IRAG1: variants seen among roughly 807,000 people sequenced by gnomAD.
IRAG1 encodes the protein IP3R-associated cGMP kinase substrate.
IRAG1 carries 62 observed loss-of-function variants against 106.2 expected under a neutral mutation model. That is an observed-to-expected ratio of 0.58 (90% CI 0.48 to 0.72). IRAG1 has a LOEUF of 0.72. Among genes scored for constraint, IRAG1 ranks in the 30% least tolerant of loss-of-function variants. IRAG1 has a pLI of 0.00. For synonymous variants in IRAG1, 462 were observed against 443.9 expected (o/e 1.04, Z -0.51); for missense variants, 1,064 against 1,140.7 (o/e 0.93, Z 0.97).
At chr11:10,623,593 C>T (rs1856000577) in intron 10 of IRAG1, among the ~76,000 whole-genome samples, 185 bp downstream of exon 10, 1 of 152,114 alleles carries the variant, frequency 6.6e-6, no homozygotes, top group South Asian at 2.1e-4. Flanking sequence ...GGCCTGGGGG[C>T]TGGTTGGAAG....
rs375895538 is a variant in IRAG1 at position 10,666,697 on chromosome 11, A to G, written c.68-14515T>C. ...GGGTTAAGCTGAGTCATTCTCGTGA[A>G]GTATTTTCTTGTTTTTAGAAAAGAC... is the stretch of plus-strand genomic sequence containing the variant. On this transcript the variant is annotated intron_variant, in intron 1 of 20. Coordinates refer to ENST00000423302, the MANE Select transcript of IRAG1 (RefSeq NM_130385.4). Among the ~76,000 whole-genome samples the G allele has an allele frequency of 9.8e-5, 15 of 152,378 alleles. No individual in the cohort carries two copies. In the South Asian group the frequency reaches 2.5e-3, roughly 25 times the overall value.
In IRAG1 at chr11:10,600,902, G is replaced by A. The variant is rs745612691; in HGVS notation, c.2017+16C>T. ...ACCTTGTAGGGCCAAGATGGGGCAG[G>A]AGCCTAGGTCCTTACCAGAGGGGCC... On this transcript the variant is annotated intron_variant, in intron 15 of 20. Transcript: ENST00000423302. 6 of 1,613,798 alleles carry A rather than the reference G, an allele frequency of 3.7e-6. No individual in the cohort carries two copies. Among genetic ancestry groups the A allele is most frequent in the South Asian group, 1.1e-5 (1 of 91,070 alleles).
chr11:10,669,734 C>T lies in IRAG1; in HGVS notation c.68-17552G>A, dbSNP rs1387683654. On this transcript the variant is annotated intron_variant, in intron 1 of 20. Coordinates refer to ENST00000423302, the MANE Select transcript of IRAG1 (RefSeq NM_130385.4). The stretch of plus-strand genomic sequence containing the variant: ...CTCTCTTTCAGAAAGTAGTTCCCCC[C>T]CTTACCCTTCACCCTCCTTGCAGAC... Among the ~76,000 whole-genome samples, 4 of 152,154 alleles carry T rather than the reference C, an allele frequency of 2.6e-5. No individual in the cohort carries two copies. In the East Asian group the frequency reaches 7.7e-4, roughly 29 times the overall value.
rs767096038 is a variant in IRAG1 at position 10,625,957 on chromosome 11, G to A, written c.1368+9C>T. ...ACACACTCTGCCCAACTGGCCCCCA[G>A]GAACCCACCTCTCGGAGCTTGGTCA... On this transcript the variant is annotated intron_variant, in intron 9 of 20. Coordinates refer to ENST00000423302, the MANE Select transcript of IRAG1 (RefSeq NM_130385.4). 7.5e-6 allele frequency: 11 copies of A among 1,465,434 alleles called. No individual in the cohort carries two copies. Among genetic ancestry groups the A allele is most frequent in the Middle Eastern group, 1.8e-4 (1 of 5,474 alleles). 90.8% of individuals were successfully genotyped at this position (1,465,434 alleles called of 1,614,324 possible).
At position 10,580,708 on chromosome 11, in the gene IRAG1, C is replaced by G. The variant is rs963910098; in HGVS notation, c.2361-119G>C. ...CAATAATTATGTGCTTCCTATGGTT[C>G]CACAAAACAGGAAAAAGCTGGGAAG... On this transcript the variant is annotated intron_variant, in intron 19 of 20. Transcript: ENST00000423302. 4 of 1,245,254 alleles carry G rather than the reference C, an allele frequency of 3.2e-6. No individual in the cohort carries two copies. The Admixed American group carries it at 7.9e-5, about 25-fold the overall frequency. The allele number at this position is 1,245,254 out of a possible 1,614,324, so 77.1% of individuals were successfully genotyped here. A position where few individuals can be genotyped will look rare whatever the true frequency, so the allele number is the denominator to read the frequency against.
In IRAG1 at chr11:10,584,419, A is replaced by G. The variant is rs991251309; in HGVS notation, c.2241-2433T>C. Among the ~76,000 whole-genome samples, 4 of 152,048 alleles carry G rather than the reference A, an allele frequency of 2.6e-5. No individual in the cohort carries two copies. In the East Asian group the frequency reaches 7.7e-4, roughly 29 times the overall value. On this transcript the variant is annotated intron_variant, in intron 18 of 20. Coordinates refer to ENST00000423302, the MANE Select transcript of IRAG1 (RefSeq NM_130385.4). Reference sequence around the variant, plus strand: ...CTGTTCATAACATTTCTCCTTTTGCAAATTACATTATCCACTCCCTTCCAT... The same window carrying G: ...CTGTTCATAACATTTCTCCTTTTGCGAATTACATTATCCACTCCCTTCCAT...
chr11:10,594,295 G>T, intron 15 of IRAG1, 100 bp from the exon 16 acceptor site: 1 of 1,133,286 alleles, frequency 8.8e-7, no homozygotes, highest in Non-Finnish European at 1.3e-6. Context: ...GCCAGAACTG[G>T]CCCTCAAGGG....
intron 2 of IRAG1, among the ~76,000 whole-genome samples, chr11:10,645,014 A>G (rs1857831405): frequency 6.6e-6 from 1 of 152,218 alleles, no homozygotes; most frequent in Admixed American, 6.5e-5. Flanking sequence ...TGATGGGAGA[A>G]GGCCGTGGGA....
intron 1 of IRAG1, among the ~76,000 whole-genome samples, chr11:10,686,743 C>A (rs1162533302): frequency 6.6e-6 from 1 of 152,196 alleles, no homozygotes; most frequent in African/African-American, 2.4e-5. Flanking sequence ...GACTCTCATT[C>A]TTCTCATACT....
rs896002406 is a variant in IRAG1, at chr11:10,604,624, G to A, written c.1603-79C>T. 1.0e-4 allele frequency: 163 copies of A among 1,556,910 alleles called. No individual in the cohort carries two copies. The African/African-American group carries it at 1.9e-3, about 18-fold the overall frequency. ...AAGGCTGCAGCTGTGCTCCTTGCAC[G>A]AGCGTTTTGCAACGGCCCCTGGAAC... On this transcript the variant is annotated intron_variant, in intron 12 of 20. Coordinates refer to ENST00000423302, the MANE Select transcript of IRAG1 (RefSeq NM_130385.4).
At chr11:10,679,361 C>T (rs886778992) in intron 1 of IRAG1, among the ~76,000 whole-genome samples, 1 of 152,190 alleles carries the variant, frequency 6.6e-6, no homozygotes, top group Non-Finnish European at 1.5e-5. Flanking sequence ...TCCCTGTTCC[C>T]CTTCCCCCCA....
rs1438222354 is a variant in IRAG1, at chr11:10,628,617, C to T, written c.652+134G>A. 2.7e-6 allele frequency: 2 copies of T among 736,414 alleles called. No homozygotes were observed. Among genetic ancestry groups the T allele is most frequent in the African/African-American group, 3.6e-5 (2 of 54,936 alleles). The allele number at this position is 736,414 out of a possible 1,614,324, so 45.6% of individuals were successfully genotyped here. A position where few individuals can be genotyped will look rare whatever the true frequency, so the allele number is the denominator to read the frequency against. ...ATGCCCCCCCTGGAGAGGGGTCTTG[C>T]TCTGGGTGTGAAGGGGCCATCAGAG... On this transcript the variant is annotated intron_variant, in intron 6 of 20. Coordinates refer to ENST00000423302, the MANE Select transcript of IRAG1 (RefSeq NM_130385.4). The surrounding 1 kb of genome is among the most constrained non-coding windows in gnomAD (Gnocchi z 4.1).
chr11:10,646,069 C>T (rs562727879), intron 2 of IRAG1, among the ~76,000 whole-genome samples: 20 of 152,328 alleles, frequency 1.3e-4, no homozygotes, highest in Admixed American at 3.3e-4. Context: ...GTTCTTCCTG[C>T]TCTGCCATGC....
intron 2 of IRAG1, among the ~76,000 whole-genome samples, chr11:10,634,587 C>T (rs777509125): frequency 8.5e-5 from 13 of 152,278 alleles, no homozygotes; most frequent in Non-Finnish European, 1.8e-4. Flanking sequence ...CCATTCTACT[C>T]TCTGTTTCTG....
At chr11:10,692,922 C>T (rs1039643575) in intron 1 of IRAG1, among the ~76,000 whole-genome samples, 10 of 152,144 alleles carry the variant, frequency 6.6e-5, no homozygotes, top group Admixed American at 2.0e-4. Context: ...CAGGGCCGGG[C>T]ACGGGCCGGG....
At position 10,659,681 on chromosome 11, in the gene IRAG1, C is replaced by T. The variant is rs1289630689; in HGVS notation, c.68-7499G>A. On this transcript the variant is annotated intron_variant, in intron 1 of 20. Coordinates refer to ENST00000423302, the MANE Select transcript of IRAG1 (RefSeq NM_130385.4). The surrounding 1 kb of genome is among the most constrained non-coding windows in gnomAD (Gnocchi z 4.1). Reference sequence around the variant, plus strand: ...AAGCCTAAACATCTCCCCAGGTTTCCTTTCCAGCTTGTTCACTTCAGGAAT... The same window carrying T: ...AAGCCTAAACATCTCCCCAGGTTTCTTTTCCAGCTTGTTCACTTCAGGAAT... Among the ~76,000 whole-genome samples, 1 of 152,208 alleles carries T rather than the reference C, an allele frequency of 6.6e-6. No individual in the cohort carries two copies. Among genetic ancestry groups the T allele is most frequent in the Non-Finnish European group, 1.5e-5 (1 of 68,038 alleles).
At chr11:10,631,895 C>G (rs77974559) in intron 4 of IRAG1, 96 bp downstream of exon 4, 52,037 of 954,408 alleles carry the variant, frequency 0.055, 1,840 homozygotes, top group Admixed American at 0.12. Flanking sequence ...CGGGAGGGAG[C>G]GCCTTAAAGA....
At chr11:10,624,292 C>T (rs1041012060) in intron 9 of IRAG1, among the ~76,000 whole-genome samples, 3 of 152,134 alleles carry the variant, frequency 2.0e-5, no homozygotes, top group Non-Finnish European at 2.9e-5. Context: ...ATCTTCCTGC[C>T]CTGTCATTCC....
At chr11:10,689,228 G>T (rs10840471) in intron 1 of IRAG1, among the ~76,000 whole-genome samples, 30,338 of 152,088 alleles carry the variant, frequency 0.2, 3,477 homozygotes, top group Non-Finnish European at 0.26. Flanking sequence ...CAGAAAGATG[G>T]TGAAGGCATA....
Sources: gnomAD v4.1 joint callset for allele counts (sites outside exome capture counted in the v4.1 genomes callset) on GRCh38, gnomAD v4.1.1 for gene constraint, Gnocchi (gnomAD v3.1) non-coding constraint, MANE v1.5 for transcripts, NCBI Gene and HGNC (gene_info 2026-07-23, HGNC 2026-07-21) for gene names.